The following PTPRD variants were observed in gnomAD, a reference collection of about 807,000 sequenced individuals.
PTPRD encodes receptor-type tyrosine-protein phosphatase delta.
A neutral mutation model predicts 214.5 loss-of-function variants in PTPRD; 34 were observed. That is an observed-to-expected ratio of 0.16 (90% CI 0.12 to 0.21). The LOEUF (loss-of-function observed/expected upper bound fraction) is 0.21. Among genes scored for constraint, PTPRD ranks in the 10% least tolerant of loss-of-function variants. The probability of loss-of-function intolerance (pLI) is 1.00; values close to 1 mark genes in which losing one functional copy is unlikely to be tolerated. For missense variants in PTPRD, 2,545 were observed against 2,398.7 expected (o/e 1.06, Z -1.27); for synonymous variants, 1,128 against 845.7 (o/e 1.33, Z -5.79).
At chr9:9,927,418 A>G (rs2084720834) in intron 5 of PTPRD, among the ~76,000 whole-genome samples, 1 of 152,054 alleles carries the variant, frequency 6.6e-6, no homozygotes, top group Admixed American at 6.6e-5. Flanking sequence ...ACTATTCCCT[A>G]CATCTGCAAT....
At chr9:10,244,553 G>A (rs1316505543) in intron 3 of PTPRD, among the ~76,000 whole-genome samples, 1 of 151,096 alleles carries the variant, frequency 6.6e-6, no homozygotes, top group Admixed American at 6.7e-5. Flanking sequence ...TAGTTTATTA[G>A]GTTAAGCAGG....
intron 8 of PTPRD, among the ~76,000 whole-genome samples, chr9:9,409,063 G>A (rs2074501277): frequency 6.6e-6 from 1 of 151,910 alleles, no homozygotes; most frequent in Non-Finnish European, 1.5e-5. Flanking sequence ...TTTCTGAAAT[G>A]TGTCTTTATT....
chr9:10,401,893 A>G (rs1395652562), intron 2 of PTPRD, among the ~76,000 whole-genome samples: 1 of 151,252 alleles, frequency 6.6e-6, no homozygotes, highest in Non-Finnish European at 1.5e-5. Context: ...ATATATTTAC[A>G]TCTGATAATC....
Position 8,425,316 on chromosome 9 carries a change from A to G in PTPRD, c.4086+11276T>C, listed in dbSNP as rs1348811815. Among the ~76,000 whole-genome samples the G allele has an allele frequency of 3.3e-5, 5 of 152,072 alleles. 1 individual carries two copies. Among genetic ancestry groups the G allele is most frequent in the Non-Finnish European group, 7.4e-5 (5 of 68,020 alleles). Reference sequence around the variant, plus strand: ...CTCAGGTACTTGGAGTTTCAGGAGGAATTGTAGGAAGTGATTTCCATGACT... The same window carrying G: ...CTCAGGTACTTGGAGTTTCAGGAGGGATTGTAGGAAGTGATTTCCATGACT... On this transcript the variant is annotated intron_variant, in intron 35 of 45. Coordinates refer to ENST00000381196, the MANE Select transcript of PTPRD (RefSeq NM_002839.4).
At chr9:9,788,513 C>T (rs1174761123) in intron 5 of PTPRD, among the ~76,000 whole-genome samples, 4 of 137,168 alleles carry the variant, frequency 2.9e-5, no homozygotes, top group Non-Finnish European at 6.1e-5. Flanking sequence ...GATCGGGCCA[C>T]GGCACTCCAG....
chr9:9,666,073 G>T (rs2096715707), intron 7 of PTPRD, among the ~76,000 whole-genome samples: 1 of 151,776 alleles, frequency 6.6e-6, no homozygotes, highest in Non-Finnish European at 1.5e-5. Context: ...GAGTTATTCG[G>T]TAACTATCCA....
At chr9:9,682,969 A>G (rs1479383396) in intron 7 of PTPRD, among the ~76,000 whole-genome samples, 3 of 151,832 alleles carry the variant, frequency 2.0e-5, no homozygotes, top group African/African-American at 7.2e-5. Flanking sequence ...ATGTACAGTC[A>G]TTAGTGATAG....
chr9:10,556,972 C>T (rs2062754740), intron 2 of PTPRD, among the ~76,000 whole-genome samples: 1 of 152,050 alleles, frequency 6.6e-6, no homozygotes, highest in Non-Finnish European at 1.5e-5. Context: ...AGCAGACATC[C>T]TATGAAATTA....
intron 2 of PTPRD, among the ~76,000 whole-genome samples, chr9:10,491,718 T>A (rs1237172568): frequency 6.6e-6 from 1 of 152,018 alleles, no homozygotes; most frequent in Non-Finnish European, 1.5e-5. Flanking sequence ...TTTCTTTCTT[T>A]TTTTTTTTAT....
In PTPRD at chr9:9,175,633, A is replaced by AC. The variant is rs777674937; in HGVS notation, c.-143+7670_-143+7671insG. ...GTGAGACTCTGTCTCAAAAAAAAAA[A>AC]AAAAAAAAAAAAAAAAAGAGTTTTA... On this transcript the variant is annotated intron_variant, in intron 10 of 45. Transcript: ENST00000381196. Among the ~76,000 whole-genome samples the AC allele has an allele frequency of 9.3e-5, 14 of 150,732 alleles. 1 individual carries two copies. Among genetic ancestry groups the AC allele is most frequent in the South Asian group, 6.3e-4 (3 of 4,796 alleles).
Position 8,456,773 on chromosome 9 carries a change from G to A in PTPRD, c.3875+3638C>T, listed in dbSNP as rs1440300426. On this transcript the variant is annotated intron_variant, in intron 33 of 45. Coordinates refer to ENST00000381196, the MANE Select transcript of PTPRD (RefSeq NM_002839.4). ...ATGGGGATGGAAAAATAGTGTGCAT[G>A]CAGGCTAGATTATTACCATTCAAGG... 5.3e-5 allele frequency among the ~76,000 whole-genome samples: 8 copies of A among 151,880 alleles called. No individual in the cohort carries two copies. The South Asian group carries it at 1.5e-3, about 28-fold the overall frequency.
chr9:8,819,067 A>G (rs976823940), intron 11 of PTPRD, among the ~76,000 whole-genome samples: 1 of 152,228 alleles, frequency 6.6e-6, no homozygotes, highest in South Asian at 2.1e-4. Flanking sequence ...ATGGTTTAAC[A>G]AGAGATCAAC....
chr9:10,142,285 A>C (rs879522339), intron 3 of PTPRD, among the ~76,000 whole-genome samples: 3,335 of 151,226 alleles, frequency 0.022, 63 homozygotes, highest in African/African-American at 0.056. Flanking sequence ...GGATCTAATT[A>C]AACTAAAGAG....
At chr9:8,891,326 G>GT (rs1463324367) in intron 11 of PTPRD, among the ~76,000 whole-genome samples, 2 of 151,746 alleles carry the variant, frequency 1.3e-5, no homozygotes, top group Non-Finnish European at 2.9e-5. Context: ...TAGAGACGGA[G>GT]TTTCACCGTG....
At chr9:10,036,530 ACAC>A (rs145062526) in intron 3 of PTPRD, among the ~76,000 whole-genome samples, 30,918 of 148,968 alleles carry the variant, frequency 0.21, 3,548 homozygotes, top group East Asian at 0.49. Flanking sequence ...ACACACACAC[ACAC>A]AATTTTGCCA....
At chr9:9,450,122 G>GTC (rs1555420438) in intron 8 of PTPRD, among the ~76,000 whole-genome samples, 10 of 85,060 alleles carry the variant, frequency 1.2e-4, no homozygotes, top group African/African-American at 3.6e-4. Context: ...GTGTGTGTCT[G>GTC]TGTGTGTGTG....
At chr9:9,455,487 A>G (rs1054639159) in intron 8 of PTPRD, among the ~76,000 whole-genome samples, 17 of 151,622 alleles carry the variant, frequency 1.1e-4, no homozygotes, top group African/African-American at 4.1e-4. Flanking sequence ...GTTAAATAAG[A>G]GATCTGTAAT....
chr9:9,167,482 T>C (rs1207593746), intron 10 of PTPRD, among the ~76,000 whole-genome samples: 2 of 151,970 alleles, frequency 1.3e-5, no homozygotes, highest in Admixed American at 1.3e-4. Flanking sequence ...GGGCTGGGCA[T>C]GGTGGCTCAC....
chr9:10,278,493 C>A (rs951033261), intron 3 of PTPRD, among the ~76,000 whole-genome samples: 9 of 152,082 alleles, frequency 5.9e-5, no homozygotes, highest in African/African-American at 1.9e-4. Flanking sequence ...CTAATTTGCA[C>A]ATAGTAATAA....
Sources: gnomAD v4.1 joint callset for allele counts (sites outside exome capture counted in the v4.1 genomes callset) on GRCh38, gnomAD v4.1.1 for gene constraint, MANE v1.5 for transcripts, NCBI Gene and HGNC (gene_info 2026-07-23, HGNC 2026-07-21) for gene names.